Variants in MAPK14 observed in about 807,000 individuals in gnomAD.
The protein encoded by MAPK14 is CSAID-binding protein.
MAPK14 carries 16 observed loss-of-function variants against 49.6 expected under a neutral mutation model. That is an observed-to-expected ratio of 0.32 (90% CI 0.22 to 0.49). The LOEUF (loss-of-function observed/expected upper bound fraction) is 0.49. Among genes scored for constraint, MAPK14 ranks in the 20% least tolerant of loss-of-function variants. MAPK14 has a pLI of 0.99. For missense variants in MAPK14, 200 were observed against 441.2 expected (o/e 0.45, Z 4.90); for synonymous variants, 142 against 158.0 (o/e 0.90, Z 0.76).
intron 1 of MAPK14, among the ~76,000 whole-genome samples, chr6:36,043,565 A>G (rs1763048256): frequency 6.6e-6 from 1 of 152,218 alleles, no homozygotes; most frequent in Non-Finnish European, 1.5e-5. Flanking sequence ...ACATGTGCAG[A>G]AAAATATTTC....
intron 1 of MAPK14, among the ~76,000 whole-genome samples, chr6:36,049,658 TAAGGG>T (rs1409532481): frequency 6.6e-6 from 1 of 152,158 alleles, no homozygotes; most frequent in Non-Finnish European, 1.5e-5. Flanking sequence ...GGAGAACTGT[TAAGGG>T]AAGTCTTTTG....
chr6:36,072,839 C>T (rs200570409), intron 3 of MAPK14, 34 bp from the exon 4 acceptor site: 1 of 1,163,346 alleles, frequency 8.6e-7, no homozygotes, highest in Non-Finnish European at 1.3e-6. Flanking sequence ...CTTAGGGGTT[C>T]TAGATTGTTA....
rs1006417798 is a variant in MAPK14, at chr6:36,028,015, G to C, written c.-143G>C. The C allele has an allele frequency of 1.1e-5, 5 of 467,542 alleles. No homozygotes were observed. The highest frequency in any genetic ancestry group is 8.2e-5 in the African/African-American group (4 of 48,746). 29.0% of individuals were successfully genotyped at this position (467,542 alleles called of 1,614,324 possible). A position where few individuals can be genotyped will look rare whatever the true frequency, so the allele number is the denominator to read the frequency against. On this transcript the variant is annotated 5_prime_UTR_variant, in exon 1 of 12. Coordinates refer to ENST00000229794, the MANE Select transcript of MAPK14 (RefSeq NM_139012.3). This position sits in a 1 kb window ranked among gnomAD's most constrained non-coding sequence, Gnocchi z 5.1. Reference sequence around the variant, plus strand: ...AGCAGCCGCGCGCGCGGGAGTCTGCGGGGTCGCGGCAGCCGCACCTGCGCG... The same window carrying C: ...AGCAGCCGCGCGCGCGGGAGTCTGCCGGGTCGCGGCAGCCGCACCTGCGCG...
intron 8 of MAPK14, among the ~76,000 whole-genome samples, chr6:36,089,492 T>C (rs1263009882): frequency 1.3e-5 from 2 of 152,210 alleles, no homozygotes; most frequent in Admixed American, 1.3e-4. Flanking sequence ...GGCACATATT[T>C]ACCTATGTAA....
intron 3 of MAPK14, among the ~76,000 whole-genome samples, chr6:36,062,385 A>G (rs958460665): frequency 1.1e-4 from 17 of 152,386 alleles, no homozygotes; most frequent in Admixed American, 2.0e-4. Flanking sequence ...CACAAAGAAC[A>G]TAAATGAGGT....
intron 8 of MAPK14, among the ~76,000 whole-genome samples, chr6:36,080,733 A>G (rs1456316419): frequency 6.6e-6 from 1 of 152,132 alleles, no homozygotes; most frequent in East Asian, 1.9e-4. Context: ...GTTGCATCAT[A>G]TGGTAACTCT....
intron 1 of MAPK14, among the ~76,000 whole-genome samples, chr6:36,049,806 T>G: frequency 6.6e-6 from 1 of 151,886 alleles, no homozygotes. Flanking sequence ...ATGAGGGAGG[T>G]GGCTCCAAAG....
chr6:36,060,687 G>C (rs1479525055), intron 3 of MAPK14, among the ~76,000 whole-genome samples: 1 of 152,102 alleles, frequency 6.6e-6, no homozygotes, highest in Non-Finnish European at 1.5e-5. Flanking sequence ...GAACACAAAG[G>C]GGATATGTTT....
At chr6:36,073,544 C>T (rs1343769806) in intron 4 of MAPK14, 147 bp from the exon 5 acceptor site, 1 of 632,392 alleles carries the variant, frequency 1.6e-6, no homozygotes, top group South Asian at 2.1e-5. Flanking sequence ...GGTAAATGTA[C>T]ACAATACTGA....
intron 1 of MAPK14, among the ~76,000 whole-genome samples, chr6:36,045,733 C>T (rs1396678883): frequency 7.3e-3 from 890 of 122,612 alleles, no homozygotes; most frequent in African/African-American, 7.3e-3. Context: ...GGCGTGAACC[C>T]GGGAGGCGGT....
At chr6:36,091,283 C>A (rs1196553019) in intron 8 of MAPK14, among the ~76,000 whole-genome samples, 1 of 151,630 alleles carries the variant, frequency 6.6e-6, no homozygotes, top group Non-Finnish European at 1.5e-5. Flanking sequence ...TTCTGACTGA[C>A]TTGCTTCTGT....
At chr6:36,044,963 T>G (rs1763114640) in intron 1 of MAPK14, among the ~76,000 whole-genome samples, 1 of 152,110 alleles carries the variant, frequency 6.6e-6, no homozygotes, top group African/African-American at 2.4e-5. Flanking sequence ...TGGGACCCTG[T>G]GTCTACAAAA....
At chr6:36,048,963 A>T (rs774477148) in intron 1 of MAPK14, among the ~76,000 whole-genome samples, 37 of 152,228 alleles carry the variant, frequency 2.4e-4, no homozygotes, top group Admixed American at 3.9e-4. Flanking sequence ...AAGAACTCCA[A>T]CATACAGAGT....
Position 36,049,316 on chromosome 6 carries a change from T to A in MAPK14, c.117-3383T>A, listed in dbSNP as rs556525417. 2.0e-5 allele frequency among the ~76,000 whole-genome samples: 3 copies of A among 152,294 alleles called. No individual in the cohort carries two copies. The South Asian group carries it at 6.2e-4, about 32-fold the overall frequency. The stretch of plus-strand genomic sequence containing the variant: ...GCCCAAGATCTCCTTTCCTTTCCTT[T>A]TCCTTTCTTTTCTTTTTTCCTTTCC... On this transcript the variant is annotated intron_variant, in intron 1 of 11. Transcript: ENST00000229794.
chr6:36,081,281 T>C (rs2127451313), intron 8 of MAPK14, among the ~76,000 whole-genome samples: 1 of 152,332 alleles, frequency 6.6e-6, no homozygotes, highest in East Asian at 1.9e-4. Context: ...CTATGTTTTC[T>C]ACTAAGAGTT....
At chr6:36,096,390 G>T (rs577235013) in intron 9 of MAPK14, 1 of 226,978 alleles carries the variant, frequency 4.4e-6, no homozygotes, top group Non-Finnish European at 8.7e-6. Flanking sequence ...TTGTGTCTCT[G>T]TCCTCAAGAC....
intron 1 of MAPK14, among the ~76,000 whole-genome samples, chr6:36,047,780 G>T (rs1763239058): frequency 6.7e-6 from 1 of 149,990 alleles, no homozygotes; most frequent in Non-Finnish European, 1.5e-5. Context: ...TTGTTGCCCA[G>T]GCTGGAGTGC....
intron 10 of MAPK14, among the ~76,000 whole-genome samples, chr6:36,103,061 G>A (rs894839735): frequency 6.6e-6 from 1 of 152,158 alleles, no homozygotes; most frequent in Admixed American, 6.5e-5. Context: ...CCACCCAGGA[G>A]CTCCCTGCAG....
intron 9 of MAPK14, chr6:36,100,056 T>C: frequency 6.2e-6 from 4 of 649,438 alleles, no homozygotes; most frequent in Non-Finnish European, 1.1e-5. Flanking sequence ...AGCTGTGGGC[T>C]CTCGGGTAGG....
Sources: allele counts gnomAD v4.1 joint callset (sites outside exome capture counted in the v4.1 genomes callset), GRCh38; gene constraint gnomAD v4.1.1; non-coding constraint Gnocchi (gnomAD v3.1); transcripts MANE v1.5; gene names NCBI Gene and HGNC (gene_info 2026-07-23, HGNC 2026-07-21).